Variants in STXBP5L observed in about 807,000 individuals in gnomAD.
The protein encoded by STXBP5L is syntaxin-binding protein 5-like.
STXBP5L carries 65 observed loss-of-function variants against 144.5 expected under a neutral mutation model. The ratio of observed to expected loss-of-function variants is 0.45; its 90% confidence interval spans 0.37 to 0.55. The LOEUF (loss-of-function observed/expected upper bound fraction) is 0.55. Ranked by LOEUF, STXBP5L falls within the 20% of genes least tolerant of loss-of-function variation. STXBP5L has a pLI of 0.00. For synonymous variants in STXBP5L, 505 were observed against 469.6 expected (o/e 1.08, Z -0.97); for missense variants, 1,298 against 1,405.5 (o/e 0.92, Z 1.22).
chr3:120,983,104 C>G (rs113825650), intron 3 of STXBP5L, among the ~76,000 whole-genome samples: 3 of 152,292 alleles, frequency 2.0e-5, no homozygotes, highest in South Asian at 2.1e-4. Context: ...GTAGTGGTAT[C>G]TGTCCTTGAG....
chr3:121,263,648 A>G lies in STXBP5L; in HGVS notation c.1958+4480A>G, dbSNP rs948931910. Among the ~76,000 whole-genome samples, 9 of 151,948 alleles carry G rather than the reference A, an allele frequency of 5.9e-5. No individual in the cohort carries two copies. The South Asian group carries it at 1.2e-3, about 21-fold the overall frequency. On this transcript the variant is annotated intron_variant, in intron 18 of 26. Coordinates refer to ENST00000471454, the MANE Select transcript of STXBP5L (RefSeq NM_001308330.2). The stretch of plus-strand genomic sequence containing the variant: ...ATAAATGACCTGATGGAGCTGAAAA[A>G]TACAGCACGTGAAGCATACACAAGT...
chr3:121,041,685 C>G lies in STXBP5L; in HGVS notation c.288-15C>G. ...CTAATTAAAATGTTAGAATCCTTGA[C>G]TTTTATTATATTAGACTCGGGAGAC... On this transcript the variant is annotated splice_polypyrimidine_tract_variant and intron_variant, in intron 3 of 26. Transcript: ENST00000471454. The G allele has an allele frequency of 6.3e-7, 1 of 1,599,076 alleles. No homozygotes were observed. Among genetic ancestry groups the G allele is most frequent in the Non-Finnish European group, 8.6e-7 (1 of 1,167,216 alleles).
chr3:121,238,598 T>C (rs2108329403), intron 12 of STXBP5L, among the ~76,000 whole-genome samples: 1 of 152,304 alleles, frequency 6.6e-6, no homozygotes, highest in South Asian at 2.1e-4. Context: ...ACTAAATAAA[T>C]ATTTACCAAT....
chr3:121,405,997 C>T (rs1309418445), intron 22 of STXBP5L, among the ~76,000 whole-genome samples: 1 of 152,042 alleles, frequency 6.6e-6, no homozygotes, highest in African/African-American at 2.4e-5. Flanking sequence ...TTAGAAAAGT[C>T]TTTCTATGGC....
At chr3:121,157,831 C>A in intron 9 of STXBP5L, 1 of 609,808 alleles carries the variant, frequency 1.6e-6, no homozygotes, top group Non-Finnish European at 2.6e-6. Context: ...ACCCACATCC[C>A]TGTTTTGTAA....
At chr3:121,120,041 G>C (rs1367642289) in intron 6 of STXBP5L, among the ~76,000 whole-genome samples, 3 of 151,264 alleles carry the variant, frequency 2.0e-5, no homozygotes, top group Non-Finnish European at 4.5e-5. Context: ...TAATAATTTT[G>C]TAAAGTACTG....
chr3:121,384,644 C>A lies in STXBP5L; in HGVS notation c.2587+3112C>A, dbSNP rs147571764. On this transcript the variant is annotated intron_variant, in intron 22 of 26. Coordinates refer to ENST00000471454, the MANE Select transcript of STXBP5L (RefSeq NM_001308330.2). Reference sequence around the variant, plus strand: ...ATAGGCAGGGAATGATTATACAGTGCCTTATAAATCGTGAAGAAGGAAAAG... The same window carrying A: ...ATAGGCAGGGAATGATTATACAGTGACTTATAAATCGTGAAGAAGGAAAAG... Among the ~76,000 whole-genome samples, 11 of 151,624 alleles carry A rather than the reference C, an allele frequency of 7.3e-5. No homozygotes were observed. In the East Asian group the frequency reaches 2.1e-3, roughly 29 times the overall value.
rs565659549 is a variant in STXBP5L, at chr3:121,274,383, G to A, written c.1959-5422G>A. Among the ~76,000 whole-genome samples the A allele has an allele frequency of 2.0e-5, 3 of 152,354 alleles. No homozygotes were observed. In the East Asian group the frequency reaches 5.8e-4, roughly 29 times the overall value. On this transcript the variant is annotated intron_variant, in intron 18 of 26. Coordinates refer to ENST00000471454, the MANE Select transcript of STXBP5L (RefSeq NM_001308330.2). ...GGTATCCATGGCAGAAGCCAAAGTT[G>A]CAGATGTCTGTAGTAACTGTAGTGG...
intron 2 of STXBP5L, 56 bp from the exon 3 acceptor site, chr3:120,954,884 G>C (rs1335948889): frequency 6.9e-7 from 1 of 1,447,966 alleles, no homozygotes; most frequent in East Asian, 2.3e-5. Flanking sequence ...ATGGTATCTT[G>C]TGATTGTAAT....
chr3:121,320,329 A>T, intron 20 of STXBP5L, among the ~76,000 whole-genome samples: 1 of 151,914 alleles, frequency 6.6e-6, no homozygotes, highest in East Asian at 1.9e-4. Flanking sequence ...AATACAGCTA[A>T]TTTTTGTATA....
At chr3:120,979,711 T>C (rs1360133164) in intron 3 of STXBP5L, among the ~76,000 whole-genome samples, 1 of 152,156 alleles carries the variant, frequency 6.6e-6, no homozygotes, top group Non-Finnish European at 1.5e-5. Flanking sequence ...CGATCCTTTG[T>C]ATTTTTGTTT....
intron 19 of STXBP5L, among the ~76,000 whole-genome samples, chr3:121,302,673 G>A (rs2051968546): frequency 6.6e-6 from 1 of 152,016 alleles, no homozygotes; most frequent in African/African-American, 2.4e-5. Flanking sequence ...GCATGGTACT[G>A]GTACCAGAGA....
chr3:121,306,713 G>A (rs2043348572), intron 19 of STXBP5L, among the ~76,000 whole-genome samples: 1 of 152,070 alleles, frequency 6.6e-6, no homozygotes, highest in African/African-American at 2.4e-5. Flanking sequence ...TTAATTAGGG[G>A]CAACAGACTA....
intron 9 of STXBP5L, among the ~76,000 whole-genome samples, chr3:121,182,906 C>G (rs566980779): frequency 5.5e-4 from 84 of 152,242 alleles, no homozygotes; most frequent in Middle Eastern, 3.4e-3. Context: ...ATGCAAAAAT[C>G]CTTAACAAAA....
At chr3:121,113,830 G>C (rs1056690889) in intron 5 of STXBP5L, among the ~76,000 whole-genome samples, 1 of 151,540 alleles carries the variant, frequency 6.6e-6, no homozygotes, top group Admixed American at 6.6e-5. Context: ...CCACCACCAC[G>C]CCCGGCTAAT....
chr3:121,054,870 A>G (rs996842925), intron 5 of STXBP5L, among the ~76,000 whole-genome samples: 6 of 151,532 alleles, frequency 4.0e-5, no homozygotes, highest in African/African-American at 1.5e-4. Flanking sequence ...AATACTTTGA[A>G]TAGATCTGAC....
intron 9 of STXBP5L, among the ~76,000 whole-genome samples, chr3:121,179,768 C>T (rs1353306699): frequency 6.6e-6 from 1 of 152,004 alleles, no homozygotes. Flanking sequence ...AAATGAAAGA[C>T]ACACTTAGGG....
intron 5 of STXBP5L, among the ~76,000 whole-genome samples, chr3:121,053,685 C>A (rs1948214870): frequency 1.3e-5 from 2 of 152,192 alleles, no homozygotes; most frequent in Admixed American, 1.3e-4. Flanking sequence ...TGGGCAAGGA[C>A]TTCATGTCTA....
At chr3:121,192,304 G>T (rs1430762231) in intron 9 of STXBP5L, among the ~76,000 whole-genome samples, 1 of 152,102 alleles carries the variant, frequency 6.6e-6, no homozygotes, top group Non-Finnish European at 1.5e-5. Context: ...ACAAACCACT[G>T]CTCTAGGAAA....
Sources: gnomAD v4.1 joint callset for allele counts (sites outside exome capture counted in the v4.1 genomes callset) on GRCh38, gnomAD v4.1.1 for gene constraint, MANE v1.5 for transcripts, NCBI Gene and HGNC (gene_info 2026-07-23, HGNC 2026-07-21) for gene names.